The following UQCRC1 variants were observed in gnomAD, a reference collection of about 807,000 sequenced individuals.
The protein encoded by UQCRC1 is cytochrome b-c1 complex subunit 1, mitochondrial.
In UQCRC1, 34 loss-of-function variants were observed where a neutral mutation model predicts 58.0. The ratio of observed to expected loss-of-function variants is 0.59; its 90% CI spans 0.45 to 0.78. The LOEUF (loss-of-function observed/expected upper bound fraction) is 0.78. UQCRC1 is among the 30% of genes least tolerant of loss of function. The probability of loss-of-function intolerance (pLI) is 0.00; values close to 1 mark genes in which losing one functional copy is unlikely to be tolerated. For missense variants in UQCRC1, 610 were observed against 646.0 expected, an observed-to-expected ratio of 0.94 and a Z score of 0.60; for synonymous variants, 276 against 248.8, an observed-to-expected ratio of 1.11 and a Z score of -1.03.
intron 2 of UQCRC1, among the ~76,000 whole-genome samples, chr3:48,608,758 A>G (rs2046435796): frequency 6.6e-6 from 1 of 152,208 alleles, no homozygotes; most frequent in Non-Finnish European, 1.5e-5. Context: ...TTTGCTTCCT[A>G]AAATGTATTT....
Position 48,600,704 on chromosome 3 carries a change from A to T in UQCRC1, c.1103T>A (p.Met368Lys), listed in dbSNP as rs751951117. 1 of 1,614,146 alleles carries T rather than the reference A, an allele frequency of 6.2e-7. No homozygotes were observed. Among genetic ancestry groups the T allele is most frequent in the Non-Finnish European group, 8.5e-7 (1 of 1,180,032 alleles). ...CCACTGCCCTTGCAGGACGAACATC[A>T]TGTCATCGATTTTCATTCGGTCACA... ...FVCDRMKIDD[M>K]MFVLQGQWMR... Residue 368 changes from methionine to lysine, a missense_variant, in exon 9 of 13, where the codon ATG becomes AAG. Met to Lys is a moderately conservative substitution (Grantham distance 95, BLOSUM62 -1). Transcript: ENST00000203407.
In UQCRC1 at chr3:48,609,297, G is replaced by A. The variant is rs754660205; in HGVS notation, c.75C>T (p.Ala25=). The change falls in exon 2 of 13, where the codon GCC becomes GCT. Residue 25 remains alanine (A), a synonymous_variant. Transcript: ENST00000203407. ...TCCGCAAGGCTGGCGTCCGCAGCAG[G>A]GCCGGCTGTGGAAGGGAACAGCCGC... ...QVLLRARRSP[A]LLRTPALRST... The A allele has an allele frequency of 1.9e-6, 3 of 1,607,918 alleles. No individual in the cohort carries two copies. Among genetic ancestry groups the A allele is most frequent in the Non-Finnish European group, 2.6e-6 (3 of 1,176,338 alleles).
intron 3 of UQCRC1, among the ~76,000 whole-genome samples, chr3:48,605,518 T>C (rs1448177182): frequency 6.6e-6 from 1 of 152,232 alleles, no homozygotes; most frequent in African/African-American, 2.4e-5. Flanking sequence ...TCCACAGGCC[T>C]GGCTTCTCTG....
rs1318171772 is a variant in UQCRC1 at position 48,601,423 on chromosome 3, C to T, written c.751G>A (p.Gly251Ser). 8.7e-6 allele frequency: 14 copies of T among 1,614,164 alleles called. No individual in the cohort carries two copies. Among genetic ancestry groups the T allele is most frequent in the East Asian group, 2.2e-5 (1 of 44,872 alleles). Residue 251 changes from glycine to serine, a missense_variant, in exon 7 of 13, where the codon GGT becomes AGT. By Grantham distance (56) the Gly-to-Ser change is moderately conservative (BLOSUM62 0). Transcript: ENST00000203407. The part of the protein sequence containing the change: ...QLLDLAQKHL[G>S]GIPWTYAEDA... ...TCTGCATATGTCCATGGGATGCCAC[C>T]GAGGTGCTTCTGGGCGAGGTCTAAC...
chr3:48,601,530 CACAG>C, intron 6 of UQCRC1, 63 bp from the exon 7 acceptor site: 9 of 1,492,916 alleles, frequency 6.0e-6, no homozygotes, highest in Non-Finnish European at 8.3e-6. Context: ...TGGGGCGATT[CACAG>C]ACAGGCAGAG....
At position 48,599,688 on chromosome 3, in the gene UQCRC1, C is replaced by T. The variant is rs1246235613; in HGVS notation, c.1325G>A (p.Arg442His). 16 of 1,613,848 alleles carry T rather than the reference C, an allele frequency of 9.9e-6. No individual in the cohort carries two copies. Among genetic ancestry groups the T allele is most frequent in the Middle Eastern group, 1.6e-4 (1 of 6,062 alleles). The change falls in exon 12 of 13, where the codon CGT becomes CAT. Residue 442 changes from arginine to histidine, a missense_variant. Coordinates refer to ENST00000203407, the MANE Select transcript of UQCRC1 (RefSeq NM_003365.3). Reference sequence around the variant, plus strand: ...ATAGATGTACTTGGAGCAGATCTCACGTACCACACTGGCATCCACCTCCTG... The same window carrying T: ...ATAGATGTACTTGGAGCAGATCTCATGTACCACACTGGCATCCACCTCCTG... ...RIAEVDASVV[R>H]EICSKYIYDQ... is the part of the protein sequence containing the mutation.
In UQCRC1 at chr3:48,605,867, A is replaced by T; in HGVS notation, c.211-11T>A. 6.2e-7 allele frequency: 1 copy of T among 1,613,358 alleles called. No homozygotes were observed. The highest frequency in any genetic ancestry group is 8.5e-7 in the Non-Finnish European group (1 of 1,179,732). ...AATCCACACTCCCACCTGGTCAAGA[A>T]GCCACCAGAAAAGGTTACAAACAAA... On this transcript the variant is annotated splice_polypyrimidine_tract_variant and intron_variant, in intron 2 of 12. Coordinates refer to ENST00000203407, the MANE Select transcript of UQCRC1 (RefSeq NM_003365.3).
chr3:48,601,194 G>C, intron 7 of UQCRC1, 76 bp from the exon 8 acceptor site: 2 of 1,552,388 alleles, frequency 1.3e-6, no homozygotes, highest in East Asian at 4.6e-5. Context: ...TGTGGGTAGA[G>C]GGTGTATGTG....
Position 48,601,116 on chromosome 3 carries a change from G to C in UQCRC1, c.825C>G (p.Ile275Met), listed in dbSNP as rs1285913511. 1 of 1,598,640 alleles carries C rather than the reference G, an allele frequency of 6.3e-7. No individual in the cohort carries two copies. Among genetic ancestry groups the C allele is most frequent in the Non-Finnish European group, 8.6e-7 (1 of 1,169,158 alleles). The change falls in exon 8 of 13, where the codon ATC becomes ATG. Residue 275 changes from isoleucine (I) to methionine (M), a missense_variant and splice_region_variant. Coordinates refer to ENST00000203407, the MANE Select transcript of UQCRC1 (RefSeq NM_003365.3). ...AAGGTAGAGCATCATCACGGTGGCGGATCTGAAACAGTACATGACAAGGCT... is the reference window on the plus strand; with the variant it reads ...AAGGTAGAGCATCATCACGGTGGCGCATCTGAAACAGTACATGACAAGGCT... ...LTPCRFTGSEIRHRDDALPFA... is the reference protein window; with the variant it reads ...LTPCRFTGSEMRHRDDALPFA...
chr3:48,605,349 C>T (rs746648073), intron 3 of UQCRC1, among the ~76,000 whole-genome samples: 1 of 152,214 alleles, frequency 6.6e-6, no homozygotes, highest in Non-Finnish European at 1.5e-5. Flanking sequence ...GCCCTGCCCA[C>T]CCCATAATCC....
In UQCRC1 at chr3:48,609,215, G is replaced by A; in HGVS notation, c.157C>T (p.Leu53=). 6.2e-7 allele frequency: 1 copy of A among 1,613,060 alleles called. No homozygotes were observed. Among genetic ancestry groups the A allele is most frequent in the Non-Finnish European group, 8.5e-7 (1 of 1,179,784 alleles). The stretch of plus-strand genomic sequence containing the variant: ...GAGGCCACACGCAGGCCGTTGTCCA[G>A]CAGGCTAACCTGCGTCTCCGGCACG... ...QFVPETQVSL[L]DNGLRVASEQ... Residue 53 remains leucine (L), a synonymous_variant, in exon 2 of 13, where the codon CTG becomes TTG. Transcript: ENST00000203407.
chr3:48,603,030 T>C (rs1429659557), intron 6 of UQCRC1, among the ~76,000 whole-genome samples: 1 of 152,120 alleles, frequency 6.6e-6, no homozygotes, highest in African/African-American at 2.4e-5. Flanking sequence ...GACACTGCTC[T>C]TCCCCTGCGC....
In UQCRC1 at chr3:48,609,270, A is replaced by G. The variant is rs776491677; in HGVS notation, c.102T>C (p.Ser34=). Residue 34 remains serine, a synonymous_variant, in exon 2 of 13, where the codon AGT becomes AGC. Coordinates refer to ENST00000203407, the MANE Select transcript of UQCRC1 (RefSeq NM_003365.3). ...GGAGCGCCTGAGCGAAGGTTGCCGT[A>G]CTCCGCAAGGCTGGCGTCCGCAGCA... is the stretch of plus-strand genomic sequence containing the variant. The part of the protein sequence containing the change: ...PALLRTPALR[S]TATFAQALQF... 6.2e-7 allele frequency: 1 copy of G among 1,611,142 alleles called. No individual in the cohort carries two copies. Among genetic ancestry groups the G allele is most frequent in the South Asian group, 1.1e-5 (1 of 90,976 alleles).
At chr3:48,606,459 G>A (rs1247926049) in intron 2 of UQCRC1, among the ~76,000 whole-genome samples, 2 of 152,110 alleles carry the variant, frequency 1.3e-5, no homozygotes, top group Non-Finnish European at 2.9e-5. Flanking sequence ...TGTGAAACAC[G>A]CACCACAGGC....
intron 2 of UQCRC1, among the ~76,000 whole-genome samples, chr3:48,607,120 C>CTA (rs1311365857): frequency 6.6e-6 from 1 of 152,016 alleles, no homozygotes; most frequent in African/African-American, 2.4e-5. Flanking sequence ...TGGCTCACTG[C>CTA]AAGCTCTGCC....
Position 48,609,195 on chromosome 3 carries a change from C to A in UQCRC1, c.177G>T (p.Val59=). The A allele has an allele frequency of 6.2e-7, 1 of 1,612,684 alleles. No individual in the cohort carries two copies. The highest frequency in any genetic ancestry group is 1.3e-5 in the African/African-American group (1 of 75,042). The change falls in exon 2 of 13, where the codon GTG becomes GTT. Residue 59 remains valine (V), a synonymous_variant. Transcript: ENST00000203407. The part of the protein sequence containing the change: ...QVSLLDNGLR[V]ASEQSSQPTC... ...TGGGCTGAGAGGACTGCTCGGAGGC[C>A]ACACGCAGGCCGTTGTCCAGCAGGC... is the stretch of plus-strand genomic sequence containing the variant.
intron 2 of UQCRC1, among the ~76,000 whole-genome samples, chr3:48,608,507 A>C: frequency 6.6e-6 from 1 of 152,212 alleles, no homozygotes; most frequent in Non-Finnish European, 1.5e-5. Context: ...GTTGCAGGCC[A>C]CCTTTTCCTA....
intron 6 of UQCRC1, among the ~76,000 whole-genome samples, chr3:48,603,283 T>A (rs2046381828): frequency 6.6e-6 from 1 of 152,022 alleles, no homozygotes; most frequent in Non-Finnish European, 1.5e-5. Context: ...GGAGCTTACA[T>A]CCCCTACCAG....
intron 12 of UQCRC1, 156 bp downstream of exon 12, chr3:48,599,479 A>G (rs1305803327): frequency 2.4e-6 from 2 of 819,686 alleles, no homozygotes; most frequent in African/African-American, 3.4e-5. Context: ...TTTCTGAGCA[A>G]GAACTCCCTG....
Sources: allele counts gnomAD v4.1 joint callset (sites outside exome capture counted in the v4.1 genomes callset), GRCh38; gene constraint gnomAD v4.1.1; transcripts MANE v1.5; gene names NCBI Gene and HGNC (gene_info 2026-07-23, HGNC 2026-07-21).